Variants in RIMS2 observed in about 807,000 individuals in gnomAD.
RIMS2 encodes regulating synaptic membrane exocytosis protein 2.
RIMS2 carries 59 observed loss-of-function variants against 174.4 expected under a neutral mutation model. The ratio of observed to expected loss-of-function variants is 0.34; its 90% CI spans 0.27 to 0.42. The LOEUF (loss-of-function observed/expected upper bound fraction) is 0.42. Among genes scored for constraint, RIMS2 ranks in the 10% least tolerant of loss-of-function variants. The probability of loss-of-function intolerance (pLI) is 1.00; values close to 1 mark genes in which losing one functional copy is unlikely to be tolerated. For missense variants in RIMS2, 1,620 were observed against 1,666.3 expected (o/e 0.97, Z 0.48); for synonymous variants, 606 against 572.5 (o/e 1.06, Z -0.84).
intron 1 of RIMS2, among the ~76,000 whole-genome samples, chr8:103,600,120 C>T (rs539561752): frequency 5.3e-5 from 8 of 152,254 alleles, no homozygotes; most frequent in African/African-American, 1.4e-4. Flanking sequence ...CAAATTTTTA[C>T]ATCCCACAAA....
At chr8:104,012,354 C>CTT (rs56206546) in intron 17 of RIMS2, among the ~76,000 whole-genome samples, 1 of 139,036 alleles carries the variant, frequency 7.2e-6, no homozygotes. Flanking sequence ...TCCTTTTTTT[C>CTT]TTTTTTTTTT....
At chr8:103,632,526 T>C (rs1350843656) in intron 1 of RIMS2, among the ~76,000 whole-genome samples, 3 of 152,052 alleles carry the variant, frequency 2.0e-5, no homozygotes, top group Non-Finnish European at 2.9e-5. Flanking sequence ...GTTCAAGCGA[T>C]TCTCCTGCCT....
chr8:103,776,272 A>C (rs1239232979), intron 3 of RIMS2, among the ~76,000 whole-genome samples: 1 of 152,134 alleles, frequency 6.6e-6, no homozygotes, highest in Admixed American at 6.6e-5. Context: ...GGATGAAGGT[A>C]CCACTACTAA....
intron 19 of RIMS2, among the ~76,000 whole-genome samples, chr8:104,162,119 A>T (rs2098766008): frequency 6.6e-6 from 1 of 152,168 alleles, no homozygotes; most frequent in Non-Finnish European, 1.5e-5. Context: ...GTAATGTGGC[A>T]TATTCCCAGA....
At chr8:103,680,123 G>A (rs1181384960) in intron 1 of RIMS2, among the ~76,000 whole-genome samples, 1 of 151,884 alleles carries the variant, frequency 6.6e-6, no homozygotes, top group Non-Finnish European at 1.5e-5. Flanking sequence ...AGATTTTTTG[G>A]ATCTTTAATT....
At chr8:103,775,478 T>A (rs1402207116) in intron 3 of RIMS2, among the ~76,000 whole-genome samples, 1 of 152,128 alleles carries the variant, frequency 6.6e-6, no homozygotes, top group African/African-American at 2.4e-5. Context: ...CTTTTTAGAA[T>A]ACAGGTGAAA....
intron 1 of RIMS2, among the ~76,000 whole-genome samples, chr8:103,509,589 A>C (rs1825463458): frequency 6.6e-6 from 1 of 152,130 alleles, no homozygotes; most frequent in South Asian, 2.1e-4. Context: ...ATATTAGCTT[A>C]CTGAATTATT....
intron 1 of RIMS2, among the ~76,000 whole-genome samples, chr8:103,625,605 G>C (rs1362997847): frequency 2.6e-5 from 4 of 152,034 alleles, no homozygotes; most frequent in Admixed American, 2.6e-4. Context: ...GTTTAACATA[G>C]TATGAACCAA....
intron 19 of RIMS2, among the ~76,000 whole-genome samples, chr8:104,106,901 C>T (rs982147628): frequency 6.6e-6 from 1 of 152,086 alleles, no homozygotes; most frequent in African/African-American, 2.4e-5. Flanking sequence ...AAATAACTTT[C>T]ATGCATGAGT....
chr8:104,098,072 A>G (rs1315700276), intron 19 of RIMS2, among the ~76,000 whole-genome samples: 6 of 152,228 alleles, frequency 3.9e-5, no homozygotes, highest in Non-Finnish European at 8.8e-5. Context: ...CTGCATGATT[A>G]TGTTCATTTT....
intron 19 of RIMS2, among the ~76,000 whole-genome samples, chr8:104,135,410 G>A (rs990501150): frequency 6.6e-6 from 1 of 151,890 alleles, no homozygotes; most frequent in East Asian, 1.9e-4. Context: ...ACCAGCCTGG[G>A]GAACTTGGCC....
At chr8:103,795,304 A>T (rs1437201917) in intron 3 of RIMS2, among the ~76,000 whole-genome samples, 1 of 152,186 alleles carries the variant, frequency 6.6e-6, no homozygotes, top group African/African-American at 2.4e-5. Context: ...GCAGGTGGAA[A>T]CCATCATTCT....
At chr8:103,695,109 A>G (rs890359331) in intron 1 of RIMS2, among the ~76,000 whole-genome samples, 1 of 152,124 alleles carries the variant, frequency 6.6e-6, no homozygotes, top group Non-Finnish European at 1.5e-5. Flanking sequence ...ATCTCTGTTT[A>G]TGCTGTGTTG....
At chr8:103,575,966 C>T (rs1455152169) in intron 1 of RIMS2, among the ~76,000 whole-genome samples, 2 of 152,172 alleles carry the variant, frequency 1.3e-5, no homozygotes, top group African/African-American at 4.8e-5. Flanking sequence ...ACTGTCCCTG[C>T]CTCAACCCAG....
chr8:103,594,766 A>G (rs79503243), intron 1 of RIMS2, among the ~76,000 whole-genome samples: 1,659 of 151,926 alleles, frequency 0.011, 45 homozygotes, highest in African/African-American at 0.038. Context: ...AAATATAGAC[A>G]AAGTAGGTTG....
intron 2 of RIMS2, among the ~76,000 whole-genome samples, chr8:103,725,366 A>G (rs1441836606): frequency 6.6e-6 from 1 of 152,138 alleles, no homozygotes; most frequent in Non-Finnish European, 1.5e-5. Flanking sequence ...TAGGAAGTTT[A>G]TGCATGCCCT....
chr8:103,791,308 A>G (rs1171477058), intron 3 of RIMS2, among the ~76,000 whole-genome samples: 2 of 152,222 alleles, frequency 1.3e-5, no homozygotes, highest in African/African-American at 2.4e-5. Context: ...AGAATTTCAT[A>G]TCCAGTCAAA....
chr8:103,640,327 A>C (rs986767219), intron 1 of RIMS2, among the ~76,000 whole-genome samples: 2 of 151,882 alleles, frequency 1.3e-5, no homozygotes, highest in African/African-American at 4.8e-5. Context: ...GTCTTTTCAA[A>C]GAGGTGGCTT....
At chr8:103,684,663 C>T (rs1031545355) in intron 1 of RIMS2, among the ~76,000 whole-genome samples, 10 of 151,502 alleles carry the variant, frequency 6.6e-5, no homozygotes, top group Admixed American at 4.6e-4. Context: ...CTCAGCTCAC[C>T]GCAACTTCCG....
Sources: gnomAD v4.1 joint callset for allele counts (sites outside exome capture counted in the v4.1 genomes callset) on GRCh38, gnomAD v4.1.1 for gene constraint, MANE v1.5 for transcripts, NCBI Gene and HGNC (gene_info 2026-07-23, HGNC 2026-07-21) for gene names.